The following ARNT2 variants were observed in gnomAD, a reference collection of about 807,000 sequenced individuals.
ARNT2 encodes the protein ARNT protein 2.
In ARNT2, 36 loss-of-function variants were observed where a neutral mutation model predicts 91.7. The observed-to-expected ratio is 0.39, with a 90% CI of 0.30 to 0.52. ARNT2 has a LOEUF of 0.52. ARNT2 is among the 20% of genes least tolerant of loss of function. ARNT2 has a pLI of 0.72. For missense variants in ARNT2, 775 were observed against 939.3 expected (o/e 0.83, Z 2.29); for synonymous variants, 365 against 347.1 (o/e 1.05, Z -0.57).
intron 6 of ARNT2, among the ~76,000 whole-genome samples, chr15:80,512,057 G>A (rs960238979): frequency 6.6e-6 from 1 of 152,156 alleles, no homozygotes; most frequent in African/African-American, 2.4e-5. Flanking sequence ...CTTGCACTGG[G>A]GCGTCCGTTG....
intron 8 of ARNT2, among the ~76,000 whole-genome samples, chr15:80,540,729 T>C (rs1230318757): frequency 6.6e-6 from 1 of 152,188 alleles, no homozygotes; most frequent in African/African-American, 2.4e-5. Context: ...TTCCCACTTA[T>C]AAGTGAGAAC....
intron 5 of ARNT2, among the ~76,000 whole-genome samples, chr15:80,476,514 C>T (rs1896804852): frequency 6.6e-6 from 1 of 152,192 alleles, no homozygotes; most frequent in Admixed American, 6.5e-5. Flanking sequence ...TGCTCTATGA[C>T]AGATATATTT....
At chr15:80,580,383 G>C in intron 15 of ARNT2, 28 bp from the exon 16 acceptor site, 2 of 1,613,432 alleles carry the variant, frequency 1.2e-6, no homozygotes, top group Non-Finnish European at 1.7e-6. Flanking sequence ...GTGTGTCCTC[G>C]GGATAAATGC....
At chr15:80,480,273 A>G (rs1286295791) in intron 5 of ARNT2, among the ~76,000 whole-genome samples, 1 of 152,110 alleles carries the variant, frequency 6.6e-6, no homozygotes, top group African/African-American at 2.4e-5. Context: ...AGAGCCTGTG[A>G]CTGTAACTGG....
At chr15:80,444,051 A>G (rs896004515) in intron 1 of ARNT2, among the ~76,000 whole-genome samples, 1 of 152,194 alleles carries the variant, frequency 6.6e-6, no homozygotes, top group African/African-American at 2.4e-5. Context: ...TCTTTTCCAA[A>G]TGTGGCAAAC....
At chr15:80,548,707 A>G (rs1396321606) in intron 8 of ARNT2, among the ~76,000 whole-genome samples, 3 of 152,162 alleles carry the variant, frequency 2.0e-5, no homozygotes, top group South Asian at 2.1e-4. Context: ...ACAAAGTACA[A>G]GTATATATGA....
chr15:80,528,376 A>G (rs914242590), intron 8 of ARNT2, among the ~76,000 whole-genome samples: 1 of 151,212 alleles, frequency 6.6e-6, no homozygotes, highest in South Asian at 2.1e-4. Flanking sequence ...TTATCTATCT[A>G]TCTATCTATC....
intron 8 of ARNT2, among the ~76,000 whole-genome samples, chr15:80,531,832 A>G (rs965094023): frequency 6.6e-6 from 1 of 152,244 alleles, no homozygotes; most frequent in African/African-American, 2.4e-5. Flanking sequence ...TTATAGATGG[A>G]GAACCTGAAG....
chr15:80,456,700 G>T (rs1896486679), intron 2 of ARNT2, among the ~76,000 whole-genome samples: 1 of 152,122 alleles, frequency 6.6e-6, no homozygotes, highest in African/African-American at 2.4e-5. Flanking sequence ...TAACCTGGGT[G>T]TCCTGTGCCT....
At chr15:80,416,958 C>T (rs762929158) in intron 1 of ARNT2, among the ~76,000 whole-genome samples, 20 of 152,032 alleles carry the variant, frequency 1.3e-4, no homozygotes, top group African/African-American at 4.1e-4. Context: ...ACACCATTTG[C>T]GAGTATAGGC....
At chr15:80,532,910 G>A (rs1897761146) in intron 8 of ARNT2, among the ~76,000 whole-genome samples, 1 of 152,228 alleles carries the variant, frequency 6.6e-6, no homozygotes, top group South Asian at 2.1e-4. Flanking sequence ...CAAGATGAAA[G>A]TGGAGATTGG....
intron 5 of ARNT2, among the ~76,000 whole-genome samples, chr15:80,498,937 C>A (rs760232338): frequency 2.6e-5 from 4 of 152,180 alleles, no homozygotes; most frequent in Admixed American, 6.5e-5. Context: ...GTAGTACAGG[C>A]TCTGCAGTAA....
In ARNT2 at chr15:80,464,319, T is replaced by TG. The variant is rs1018912689; in HGVS notation, c.195-5894dup. Among the ~76,000 whole-genome samples the TG allele has an allele frequency of 3.0e-3, 385 of 126,338 alleles. 2 individuals carry two copies. Among genetic ancestry groups the TG allele is most frequent in the Admixed American group, 0.014 (167 of 11,894 alleles). 82.9% of individuals were successfully genotyped at this position (126,338 alleles called of 152,430 possible). ...AAGGAGATACATCCCGATTGGGGGC[T>TG]GGGGGTGGGGGGTTGCAAGGATCGA... On this transcript the variant is annotated intron_variant, in intron 3 of 18. Coordinates refer to ENST00000303329, the MANE Select transcript of ARNT2 (RefSeq NM_014862.4).
intron 1 of ARNT2, among the ~76,000 whole-genome samples, chr15:80,447,928 T>C (rs545585090): frequency 1.3e-5 from 2 of 152,318 alleles, no homozygotes; most frequent in East Asian, 3.9e-4. Flanking sequence ...ATAAACTTTT[T>C]AAAGTAGACA....
At chr15:80,552,490 T>C in intron 9 of ARNT2, 150 bp from the exon 10 acceptor site, 1 of 938,176 alleles carries the variant, frequency 1.1e-6, no homozygotes, top group South Asian at 2.3e-5. Context: ...TGACCAGGGA[T>C]AGATATTTGA....
In ARNT2 at chr15:80,404,456, G is replaced by A. The variant is rs1342642044; in HGVS notation, c.-60G>A. On this transcript the variant is annotated 5_prime_UTR_variant, in exon 1 of 19. Transcript: ENST00000303329. This position sits in a 1 kb window ranked among gnomAD's most constrained non-coding sequence, Gnocchi z 5.5. ...GACCGGGTCCCCGGGGCTGAGCGCC[G>A]GGCTCCGCGCCGCCCCTCCCGCGCC... The A allele has an allele frequency of 3.2e-5, 37 of 1,146,422 alleles. No homozygotes were observed. The highest frequency in any genetic ancestry group is 3.9e-5 in the Non-Finnish European group (36 of 911,680). 71.0% of individuals were successfully genotyped at this position (1,146,422 alleles called of 1,614,324 possible).
chr15:80,497,141 AAAC>A (rs1374756375), intron 5 of ARNT2, among the ~76,000 whole-genome samples: 1 of 152,240 alleles, frequency 6.6e-6, no homozygotes, highest in African/African-American at 2.4e-5. Context: ...TTATTCAATC[AAAC>A]ACTAATCTAA....
chr15:80,459,983 G>A (rs113330442), intron 3 of ARNT2, among the ~76,000 whole-genome samples: 4 of 152,324 alleles, frequency 2.6e-5, no homozygotes, highest in African/African-American at 9.6e-5. Flanking sequence ...TGCAGTGACT[G>A]TGGCTGCTGT....
At chr15:80,551,332 G>T in intron 9 of ARNT2, 57 bp downstream of exon 9, 1 of 1,501,314 alleles carries the variant, frequency 6.7e-7, no homozygotes, top group Non-Finnish European at 9.3e-7. Flanking sequence ...GCCACAAAGT[G>T]CAGAAGACTG....
Sources: allele counts gnomAD v4.1 joint callset (sites outside exome capture counted in the v4.1 genomes callset), GRCh38; gene constraint gnomAD v4.1.1; non-coding constraint Gnocchi (gnomAD v3.1); transcripts MANE v1.5; gene names NCBI Gene and HGNC (gene_info 2026-07-23, HGNC 2026-07-21).